CNTN4: variants seen among roughly 807,000 people sequenced by gnomAD.
CNTN4 encodes the protein contactin-4.
In CNTN4, 77 loss-of-function variants were observed where a neutral mutation model predicts 122.5. That is an observed-to-expected ratio of 0.63 (90% CI 0.52 to 0.76). The LOEUF (loss-of-function observed/expected upper bound fraction) is 0.76, where lower values mean the gene tolerates loss of function less well. Ranked by LOEUF, CNTN4 falls within the 30% of genes least tolerant of loss-of-function variation. The probability of loss-of-function intolerance (pLI) is 0.00; values close to 1 mark genes in which losing one functional copy is unlikely to be tolerated. For synonymous variants in CNTN4, 512 were observed against 447.0 expected (o/e 1.15, Z -1.83); for missense variants, 1,256 against 1,259.1 (o/e 1.00, Z 0.04).
At chr3:3,031,095 A>G (rs1240265040) in intron 16 of CNTN4, 120 bp downstream of exon 16, 1 of 1,306,188 alleles carries the variant, frequency 7.7e-7, no homozygotes, top group Non-Finnish European at 1.1e-6. Context: ...GAAGCTGAAC[A>G]TTGTAAACAG....
chr3:2,683,322 A>G (rs1364995138), intron 4 of CNTN4, among the ~76,000 whole-genome samples: 1 of 121,980 alleles, frequency 8.2e-6, no homozygotes, highest in Non-Finnish European at 1.6e-5. Flanking sequence ...TCACCTGCAC[A>G]CATGTACACA....
At chr3:2,287,925 T>C (rs2042002723) in intron 2 of CNTN4, among the ~76,000 whole-genome samples, 1 of 152,188 alleles carries the variant, frequency 6.6e-6, no homozygotes, top group Non-Finnish European at 1.5e-5. Context: ...TATGAACTTA[T>C]TGTAAACTTG....
chr3:2,410,204 C>T (rs2047180723), intron 3 of CNTN4, among the ~76,000 whole-genome samples: 4 of 152,172 alleles, frequency 2.6e-5, no homozygotes, highest in Admixed American at 2.0e-4. Context: ...AGATGGAGGA[C>T]CCTCCCATGA....
intron 3 of CNTN4, among the ~76,000 whole-genome samples, chr3:2,541,774 A>C (rs1453805025): frequency 6.6e-6 from 1 of 152,068 alleles, no homozygotes; most frequent in East Asian, 1.9e-4. Context: ...GTGCTGAGGG[A>C]GGCTGTACTG....
At chr3:2,154,029 G>T (rs1168932306) in intron 2 of CNTN4, among the ~76,000 whole-genome samples, 1 of 151,958 alleles carries the variant, frequency 6.6e-6, no homozygotes, top group Non-Finnish European at 1.5e-5. Context: ...ATATATATTG[G>T]TTACTTTATT....
intron 2 of CNTN4, among the ~76,000 whole-genome samples, chr3:2,263,700 A>G (rs1367968582): frequency 3.9e-5 from 6 of 152,038 alleles, no homozygotes; most frequent in African/African-American, 1.2e-4. Flanking sequence ...TAATTTCCCT[A>G]TTGTAGAGTC....
At chr3:2,557,389 G>T (rs1231747377) in intron 3 of CNTN4, among the ~76,000 whole-genome samples, 2 of 152,222 alleles carry the variant, frequency 1.3e-5, no homozygotes, top group Non-Finnish European at 2.9e-5. Flanking sequence ...TGCATTTTTA[G>T]CATACAAGAA....
chr3:2,937,908 A>AAAT (rs2151478861), intron 13 of CNTN4, among the ~76,000 whole-genome samples: 1 of 152,276 alleles, frequency 6.6e-6, no homozygotes, highest in East Asian at 1.9e-4. Flanking sequence ...CATGTACAAG[A>AAAT]AATGAGGGGA....
intron 3 of CNTN4, among the ~76,000 whole-genome samples, chr3:2,349,829 C>G (rs564259868): frequency 1.1e-4 from 17 of 152,198 alleles, no homozygotes; most frequent in Admixed American, 4.6e-4. Flanking sequence ...AATGTTGAAA[C>G]AACCCGAAAC....
At chr3:2,890,256 T>A (rs1210138565) in intron 10 of CNTN4, among the ~76,000 whole-genome samples, 1 of 152,242 alleles carries the variant, frequency 6.6e-6, no homozygotes, top group Non-Finnish European at 1.5e-5. Context: ...AGCACTTGGC[T>A]GTCATCTTTT....
At chr3:2,119,379 T>G (rs1308632984) in intron 2 of CNTN4, among the ~76,000 whole-genome samples, 1 of 152,220 alleles carries the variant, frequency 6.6e-6, no homozygotes, top group East Asian at 1.9e-4. Flanking sequence ...ATATTCCTTA[T>G]TCTCCCTGTA....
chr3:2,627,648 C>T (rs1256893381), intron 4 of CNTN4, among the ~76,000 whole-genome samples: 5 of 152,050 alleles, frequency 3.3e-5, no homozygotes, highest in African/African-American at 4.8e-5. Context: ...TGCCCGCCAC[C>T]ACGCCTGGCT....
chr3:2,938,601 A>G (rs1285404558), intron 13 of CNTN4, among the ~76,000 whole-genome samples: 1 of 152,216 alleles, frequency 6.6e-6, no homozygotes, highest in African/African-American at 2.4e-5. Context: ...CTAAGCTTTA[A>G]AAGGGAGATA....
At chr3:2,490,810 A>G (rs905985080) in intron 3 of CNTN4, among the ~76,000 whole-genome samples, 6 of 152,190 alleles carry the variant, frequency 3.9e-5, no homozygotes, top group Non-Finnish European at 2.9e-5. Flanking sequence ...CCCGTATGCT[A>G]TACTTCTCTT....
rs181246879 is a variant in CNTN4 at position 2,984,557 on chromosome 3, T to A, written c.1359-3788T>A. Among the ~76,000 whole-genome samples the A allele has an allele frequency of 1.3e-3, 198 of 152,334 alleles. 1 individual carries two copies. Among genetic ancestry groups the A allele is most frequent in the Non-Finnish European group, 1.6e-3 (110 of 68,030 alleles). ...AACTCTGTCTCAGAGCTTGCATAAG[T>A]AACTTGGCTATGCCATATACTTGAC... is the stretch of plus-strand genomic sequence containing the variant. On this transcript the variant is annotated intron_variant, in intron 13 of 24. Transcript: ENST00000418658.
chr3:2,875,947 T>G (rs1449049845), intron 8 of CNTN4, among the ~76,000 whole-genome samples: 1 of 152,196 alleles, frequency 6.6e-6, no homozygotes, highest in East Asian at 1.9e-4. Flanking sequence ...ACCAGTACCG[T>G]CCAGCGCAAG....
At chr3:2,523,504 A>C (rs887221908) in intron 3 of CNTN4, among the ~76,000 whole-genome samples, 11 of 152,068 alleles carry the variant, frequency 7.2e-5, no homozygotes, top group African/African-American at 2.4e-4. Context: ...TTATTGTGAC[A>C]TGAGTCAGAG....
Position 2,171,493 on chromosome 3 carries a change from A to G in CNTN4, c.-145+70854A>G, listed in dbSNP as rs185751633. On this transcript the variant is annotated intron_variant, in intron 2 of 24. Transcript: ENST00000418658. The stretch of plus-strand genomic sequence containing the variant: ...AGTGGAGATTTTTAACTTTATTTTT[A>G]TATATTCTGAAATATTTGAATGGTG... 3.5e-3 allele frequency among the ~76,000 whole-genome samples: 535 copies of G among 152,344 alleles called. 1 individual carries two copies. The highest frequency in any genetic ancestry group is 6.8e-3 in the Middle Eastern group (2 of 294).
intron 4 of CNTN4, among the ~76,000 whole-genome samples, chr3:2,676,718 A>G (rs2084866570): frequency 6.6e-6 from 1 of 152,230 alleles, no homozygotes; most frequent in Non-Finnish European, 1.5e-5. Context: ...CAGAATTTGG[A>G]AGAAAATGTT....
Sources: gnomAD v4.1 joint callset for allele counts (sites outside exome capture counted in the v4.1 genomes callset) on GRCh38, gnomAD v4.1.1 for gene constraint, MANE v1.5 for transcripts, NCBI Gene and HGNC (gene_info 2026-07-23, HGNC 2026-07-21) for gene names.